The following TRPV6 variants were observed in gnomAD, a reference collection of about 807,000 sequenced individuals.
TRPV6 encodes Alu-binding protein with zinc finger domain.
A neutral mutation model predicts 79.0 loss-of-function variants in TRPV6; 39 were observed. That is an observed-to-expected ratio of 0.49 (90% confidence interval 0.38 to 0.64). The LOEUF is 0.64. Among genes scored for constraint, TRPV6 ranks in the 30% least tolerant of loss-of-function variants. The pLI, the probability that TRPV6 is intolerant of heterozygous loss-of-function variation, is 0.00. For missense variants in TRPV6, 813 were observed against 1,011.1 expected (o/e 0.80, Z 2.66); for synonymous variants, 373 against 391.9 (o/e 0.95, Z 0.57).
intron 1 of TRPV6, chr7:142,884,709 G>T (rs114819740): frequency 2.0e-4 from 31 of 152,232 alleles, no homozygotes; most frequent in African/African-American, 7.0e-4. Context: ...AAGAGCACAG[G>T]TCCTCGGAAC....
At chr7:142,877,450 T>C in intron 3 of TRPV6, 171 bp from the exon 4 acceptor site, 1 of 1,457,470 alleles carries the variant, frequency 6.9e-7, no homozygotes, top group Non-Finnish European at 9.2e-7. Context: ...CTCTTCCTCT[T>C]CTCTAGGCCC....
At chr7:142,877,526 G>T in intron 3 of TRPV6, 125 bp downstream of exon 3, 1 of 1,499,364 alleles carries the variant, frequency 6.7e-7, no homozygotes. Flanking sequence ...GGGAGACAGA[G>T]AAGAGAAAAA....
chr7:142,873,470 C>G lies in TRPV6; in HGVS notation c.1886G>C (p.Arg629Pro). Residue 629 changes from arginine to proline, a missense_variant, in exon 13 of 15, where the codon CGG (arginine) becomes CCG (proline). Arg to Pro is a moderately radical substitution (Grantham distance 103, BLOSUM62 -2). Transcript: ENST00000359396. This position sits in a 1 kb window ranked among gnomAD's most constrained non-coding sequence, Gnocchi z 4.8. ...CACCTGGGCCCTCCACAGCTCATCCCGCTCATGGGCCACTCGCCAGTGAGT... is the reference window on the plus strand; with the variant it reads ...CACCTGGGCCCTCCACAGCTCATCCGGCTCATGGGCCACTCGCCAGTGAGT... 1 of 1,614,156 alleles carries G rather than the reference C, an allele frequency of 6.2e-7. No homozygotes were observed. The highest frequency in any genetic ancestry group is 8.5e-7 in the Non-Finnish European group (1 of 1,180,040).
Position 142,872,483 on chromosome 7 carries a change from G to A in TRPV6, c.1909-5C>T, listed in dbSNP as rs114531481. The stretch of plus-strand genomic sequence containing the variant: ...CATCACTGTGGTGGCCACAATCTGC[G>A]TATGGGAACAAAAGGAGAAGTCAGA... On this transcript the variant is annotated splice_polypyrimidine_tract_variant and splice_region_variant and intron_variant, in intron 13 of 14. Transcript: ENST00000359396. 777 of 1,611,070 alleles carry A rather than the reference G, an allele frequency of 4.8e-4. 7 individuals carry two copies. In the African/African-American group the frequency reaches 8.3e-3, roughly 17 times the overall value.
At chr7:142,879,299 G>A (rs1226116612) in intron 1 of TRPV6, 1 of 152,102 alleles carries the variant, frequency 6.6e-6, no homozygotes, top group Admixed American at 6.5e-5. Context: ...CTTCTCGCTT[G>A]TTTTAGGCAA....
Position 142,871,609 on chromosome 7 carries a change from GC to G in TRPV6, c.*97del, listed in dbSNP as rs4987685. The G allele has an allele frequency of 5.5e-3, 7,773 of 1,409,702 alleles. 310 individuals carry two copies. In the African/African-American group the frequency reaches 0.091, roughly 17 times the overall value. The allele number at this position is 1,409,702 out of a possible 1,614,324, so 87.3% of individuals were successfully genotyped here. ...ATGCTACTCCTCTTTCTCCCCTGGG[GC>G]CTGGGAGATGAGACCTCTGGGTGTT... On this transcript the variant is annotated 3_prime_UTR_variant, in exon 15 of 15. Coordinates refer to ENST00000359396, the MANE Select transcript of TRPV6 (RefSeq NM_018646.6).
chr7:142,878,002 T>C lies in TRPV6; in HGVS notation c.273A>G (p.Leu91=), dbSNP rs1795114228. The C allele has an allele frequency of 6.2e-7, 1 of 1,613,948 alleles. No homozygotes were observed. The highest frequency in any genetic ancestry group is 8.5e-7 in the Non-Finnish European group (1 of 1,180,002). Residue 91 remains leucine (L), a synonymous_variant, in exon 2 of 15, where the codon CTA becomes CTG. Coordinates refer to ENST00000359396, the MANE Select transcript of TRPV6 (RefSeq NM_018646.6). Reference sequence around the variant, plus strand: ...CCTGGACATCATTATCTTTGGCAGCTAGAAGGAGAGGAGACTCCCAGATCC... The same window carrying C: ...CCTGGACATCATTATCTTTGGCAGCCAGAAGGAGAGGAGACTCCCAGATCC...
chr7:142,874,092 G>C lies in TRPV6; in HGVS notation c.1623C>G (p.Ile541Met). Residue 541 changes from isoleucine to methionine, a missense_variant, in exon 12 of 15, where the codon ATC becomes ATG. Ile to Met is a conservative substitution (Grantham distance 10). Transcript: ENST00000359396. Reference sequence around the variant, plus strand: ...GATGATTACCTGAAGCAAAGCCCAGGATGACCACAGCCATCAGCCAGCAGA... The same window carrying C: ...GATGATTACCTGAAGCAAAGCCCAGCATGACCACAGCCATCAGCCAGCAGA... 1 of 1,613,806 alleles carries C rather than the reference G, an allele frequency of 6.2e-7. No individual in the cohort carries two copies. The highest frequency in any genetic ancestry group is 8.5e-7 in the Non-Finnish European group (1 of 1,179,884).
intron 10 of TRPV6, 25 bp downstream of exon 10, chr7:142,874,879 T>G (rs777421240): frequency 6.2e-7 from 1 of 1,613,290 alleles, no homozygotes; most frequent in East Asian, 2.2e-5. Context: ...AGGGAAGGGA[T>G]GGGAGTGAGA....
chr7:142,872,789 A>G (rs1563353093), intron 13 of TRPV6, among the ~76,000 whole-genome samples: 1 of 152,192 alleles, frequency 6.6e-6, no homozygotes, highest in Non-Finnish European at 1.5e-5. Flanking sequence ...CCCACTTAGA[A>G]TATCAATATA....
At chr7:142,882,333 C>T (rs1795208590) in intron 1 of TRPV6, 1 of 152,224 alleles carries the variant, frequency 6.6e-6, no homozygotes, top group South Asian at 2.1e-4. Context: ...CTGAATAGTT[C>T]TCCCATGCTT....
In TRPV6 at chr7:142,875,453, C is replaced by T; in HGVS notation, c.1242+15G>A. On this transcript the variant is annotated intron_variant, in intron 8 of 14. Coordinates refer to ENST00000359396, the MANE Select transcript of TRPV6 (RefSeq NM_018646.6). Reference sequence around the variant, plus strand: ...CAAGTCCTGCCCTGCTGATCTGCTCCTACAAGGGTGTCACCTGAAGTAGCT... The same window carrying T: ...CAAGTCCTGCCCTGCTGATCTGCTCTTACAAGGGTGTCACCTGAAGTAGCT... 2 of 1,555,098 alleles carry T rather than the reference C, an allele frequency of 1.3e-6. No individual in the cohort carries two copies. The highest frequency in any genetic ancestry group is 1.7e-6 in the Non-Finnish European group (2 of 1,153,840).
rs191205837 is a variant in TRPV6, at chr7:142,873,248, G to A, written c.1908+200C>T. On this transcript the variant is annotated intron_variant, in intron 13 of 14. Coordinates refer to ENST00000359396, the MANE Select transcript of TRPV6 (RefSeq NM_018646.6). This position sits in a 1 kb window ranked among gnomAD's most constrained non-coding sequence, Gnocchi z 4.8. ...AGCTTTTAACTGTTGAGAAAACTGT[G>A]AGGCATTCTTCTCAGCGATTCCAGT... is the stretch of plus-strand genomic sequence containing the variant. 0.012 allele frequency among the ~76,000 whole-genome samples: 1,702 copies of A among 141,508 alleles called. 41 individuals are homozygous for A. The highest frequency in any genetic ancestry group is 0.051 in the African/African-American group (1,604 of 31,662). 92.8% of individuals were successfully genotyped at this position (141,508 alleles called of 152,430 possible). A position where few individuals can be genotyped will look rare whatever the true frequency, so the allele number is the denominator to read the frequency against.
Position 142,885,391 on chromosome 7 carries a change from CTTCTGCTGCAGCAGG to C in TRPV6, c.231_245del (p.Asn77_Gln81del), listed in dbSNP as rs779969954. 1 of 1,612,006 alleles carries C rather than the reference CTTCTGCTGCAGCAGG, an allele frequency of 6.2e-7. No individual in the cohort carries two copies. Among genetic ancestry groups the C allele is most frequent in the African/African-American group, 1.3e-5 (1 of 75,026 alleles). ...GGAGCAGACCAAGGGGGCCTTACCT[CTTCTGCTGCAGCAGG>C]TTCTGCTCATCTCGGCTCTGGGCCC... On this transcript the variant is annotated inframe_deletion, in exon 1 of 15. Coordinates refer to ENST00000359396, the MANE Select transcript of TRPV6 (RefSeq NM_018646.6).
At position 142,872,743 on chromosome 7, in the gene TRPV6, C is replaced by G. The variant is rs76582997; in HGVS notation, c.1909-265G>C. Among the ~76,000 whole-genome samples, 639 of 152,206 alleles carry G rather than the reference C, an allele frequency of 4.2e-3. 7 individuals carry two copies. Among genetic ancestry groups the G allele is most frequent in the African/African-American group, 0.015 (619 of 41,504 alleles). On this transcript the variant is annotated intron_variant, in intron 13 of 14. Coordinates refer to ENST00000359396, the MANE Select transcript of TRPV6 (RefSeq NM_018646.6). ...TTTAAGGGCTCCCAGATATTTTGAC[C>G]CTACAGACATAAAGGCCACTTATAA... is the stretch of plus-strand genomic sequence containing the variant.
At chr7:142,877,053 G>A (rs1046719773) in intron 4 of TRPV6, 89 bp downstream of exon 4, 2 of 1,506,596 alleles carry the variant, frequency 1.3e-6, no homozygotes, top group Non-Finnish European at 1.8e-6. Flanking sequence ...AACAGATACG[G>A]CTGAAGACAG....
In TRPV6 at chr7:142,877,268, G is replaced by A. The variant is rs768009804; in HGVS notation, c.481C>T (p.Leu161=). The A allele has an allele frequency of 6.2e-7, 1 of 1,614,164 alleles. No homozygotes were observed. The highest frequency in any genetic ancestry group is 8.5e-7 in the Non-Finnish European group (1 of 1,179,976). Residue 161 remains leucine (L), a synonymous_variant, in exon 4 of 15, where the codon CTG becomes TTG. Transcript: ENST00000359396. ...TTCTGGTTCACAACAGCGATGTGCA[G>A]TGCAGTCTGACCTGGCCCAGAGACA...
Position 142,885,601 on chromosome 7 carries a change from A to C in TRPV6, c.36T>G (p.Leu12=). ...GCCTTGGGGCCACATCAGCCCCCCC[A>C]AGGGCCGGCCCACCGTCTCCCTGTA... Residue 12 remains leucine, a synonymous_variant, in exon 1 of 15, where the codon CTT becomes CTG. Coordinates refer to ENST00000359396, the MANE Select transcript of TRPV6 (RefSeq NM_018646.6). 1 of 1,478,076 alleles carries C rather than the reference A, an allele frequency of 6.8e-7. No homozygotes were observed. The highest frequency in any genetic ancestry group is 9.0e-7 in the Non-Finnish European group (1 of 1,110,980). 91.6% of individuals were successfully genotyped at this position (1,478,076 alleles called of 1,614,324 possible).
At chr7:142,880,436 A>C (rs1416238180) in intron 1 of TRPV6, 1 of 152,192 alleles carries the variant, frequency 6.6e-6, no homozygotes, top group African/African-American at 2.4e-5. Context: ...GAGACCAGCC[A>C]CTAACTCTTC....
Sources: allele counts gnomAD v4.1 joint callset (sites outside exome capture counted in the v4.1 genomes callset), GRCh38; gene constraint gnomAD v4.1.1; non-coding constraint Gnocchi (gnomAD v3.1); transcripts MANE v1.5; gene names NCBI Gene and HGNC (gene_info 2026-07-23, HGNC 2026-07-21).